LANCL3: variants seen among roughly 807,000 people sequenced by gnomAD.
LANCL3 encodes lanC-like protein 3.
LANCL3 carries 19 observed loss-of-function variants against 26.5 expected under a neutral mutation model. That is an observed-to-expected ratio of 0.72 (90% CI 0.50 to 1.05). The LOEUF is 1.05. Ranked by LOEUF, LANCL3 falls within the 50% of genes least tolerant of loss-of-function variation. The pLI is 0.00. For synonymous variants in LANCL3, 160 were observed against 166.6 expected (o/e 0.96, Z 0.30); for missense variants, 318 against 362.7 (o/e 0.88, Z 1.00).
chrX:37,606,053 A>G (rs1275318564), intron 1 of LANCL3, among the ~76,000 whole-genome samples: 1 of 111,969 alleles, frequency 8.9e-6, no homozygotes, highest in Non-Finnish European at 1.9e-5. Context: ...GGAAGAACAC[A>G]AAGCAATATC....
intron 1 of LANCL3, among the ~76,000 whole-genome samples, chrX:37,591,166 C>T (rs1556418883): frequency 9.3e-6 from 1 of 107,287 alleles, no homozygotes; most frequent in South Asian, 3.7e-4. Context: ...TATCATCACA[C>T]AGCTAGTAAA....
chrX:37,574,247 C>T (rs1923685720), intron 1 of LANCL3, among the ~76,000 whole-genome samples: 1 of 110,651 alleles, frequency 9.0e-6, no homozygotes, highest in South Asian at 3.9e-4. Context: ...AAGTTTTATA[C>T]CCCATCCCCT....
intron 1 of LANCL3, among the ~76,000 whole-genome samples, chrX:37,595,917 T>C (rs1242425790): frequency 8.9e-6 from 1 of 111,980 alleles, no homozygotes; most frequent in African/African-American, 3.2e-5. Context: ...TGGAGAGTAA[T>C]ATAGAAAATT....
intron 2 of LANCL3, among the ~76,000 whole-genome samples, chrX:37,659,216 T>C (rs782570318): frequency 5.3e-5 from 6 of 112,796 alleles, no homozygotes; most frequent in African/African-American, 1.9e-4. Context: ...ATAGAAAATA[T>C]GCAAATGAAT....
rs1418388221 is a variant in LANCL3, at chrX:37,680,538, CCTG to C, written c.*4728_*4730del. The C allele has an allele frequency of 1.8e-5, 2 of 111,794 alleles. No homozygotes were observed. Among genetic ancestry groups the C allele is most frequent in the Non-Finnish European group, 3.8e-5 (2 of 53,136 alleles). 9.2% of individuals were successfully genotyped at this position (111,794 alleles called of 1,213,427 possible). On this transcript the variant is annotated 3_prime_UTR_variant, in exon 5 of 5. Coordinates refer to ENST00000378619, the MANE Select transcript of LANCL3 (RefSeq NM_001170331.2). Reference sequence around the variant, plus strand: ...CAGAATCTTCTTTTGCCTTTGTGCACCTGCTAATTACCCCCTCTGAACTGAATT... The same window carrying C: ...CAGAATCTTCTTTTGCCTTTGTGCACCTAATTACCCCCTCTGAACTGAATT...
At chrX:37,587,586 C>T (rs1420867749) in intron 1 of LANCL3, among the ~76,000 whole-genome samples, 2 of 112,912 alleles carry the variant, frequency 1.8e-5, no homozygotes, top group East Asian at 2.8e-4. Context: ...GGCGTGGGGC[C>T]CTCCAAGCCA....
chrX:37,603,480 A>T (rs1483420340), intron 1 of LANCL3, among the ~76,000 whole-genome samples: 2 of 112,176 alleles, frequency 1.8e-5, no homozygotes, highest in Non-Finnish European at 3.8e-5. Flanking sequence ...TTGAGAGCAG[A>T]CCCGAAACCT....
chrX:37,594,915 T>G (rs1285654544), intron 1 of LANCL3, among the ~76,000 whole-genome samples: 3 of 111,882 alleles, frequency 2.7e-5, no homozygotes, highest in African/African-American at 9.7e-5. Context: ...GACAAGCATG[T>G]ATGGTTAAGT....
rs782111226 is a variant in LANCL3, at chrX:37,676,911, G to C, written c.*1098G>C. On this transcript the variant is annotated 3_prime_UTR_variant, in exon 5 of 5. Transcript: ENST00000378619. ...GCTGTAATACTCATTGAGCCAAGTT[G>C]TCATATCAAATTCAACCCTGCTGTA... 8.9e-6 allele frequency: 1 copy of C among 112,029 alleles called. No individual in the cohort carries two copies. Among genetic ancestry groups the C allele is most frequent in the East Asian group, 2.8e-4 (1 of 3,585 alleles). 9.2% of individuals were successfully genotyped at this position (112,029 alleles called of 1,213,427 possible).
intron 1 of LANCL3, among the ~76,000 whole-genome samples, chrX:37,623,917 G>A (rs1556422674): frequency 8.9e-6 from 1 of 111,885 alleles, no homozygotes; most frequent in Non-Finnish European, 1.9e-5. Context: ...TATATGTTGT[G>A]TAGCTTTCTA....
chrX:37,671,762 T>C (rs5963221), intron 4 of LANCL3, among the ~76,000 whole-genome samples: 1 of 111,854 alleles, frequency 8.9e-6, no homozygotes, highest in Non-Finnish European at 1.9e-5. Context: ...CAAGTCAACT[T>C]ATCTAATATT....
At chrX:37,609,887 T>C (rs1423480577) in intron 1 of LANCL3, among the ~76,000 whole-genome samples, 14 of 111,682 alleles carry the variant, frequency 1.3e-4, no homozygotes, top group Non-Finnish European at 2.4e-4. Flanking sequence ...GTGGAAAATA[T>C]ACTGTGACTT....
intron 3 of LANCL3, 89 bp downstream of exon 3, chrX:37,659,748 TC>T (rs1926374124): frequency 2.6e-6 from 2 of 770,993 alleles, no homozygotes; most frequent in Admixed American, 2.6e-5. Flanking sequence ...GGATAGCTAA[TC>T]TTATGTCATT....
chrX:37,634,682 A>G (rs1409245637), intron 1 of LANCL3, among the ~76,000 whole-genome samples: 3 of 112,394 alleles, frequency 2.7e-5, no homozygotes, highest in African/African-American at 9.7e-5. Context: ...AAATTTAAAT[A>G]TAGACTAGAT....
At chrX:37,628,908 A>G (rs1925395696) in intron 1 of LANCL3, among the ~76,000 whole-genome samples, 1 of 110,617 alleles carries the variant, frequency 9.0e-6, no homozygotes, top group Non-Finnish European at 1.9e-5. Context: ...CAATAAACAT[A>G]CGTGTGCATG....
chrX:37,605,231 A>G lies in LANCL3; in HGVS notation c.573+32788A>G, dbSNP rs190840641. On this transcript the variant is annotated intron_variant, in intron 1 of 4. Transcript: ENST00000378619. ...GGCCACAGTGGATGTGGTATTATTC[A>G]GTTATGTGCTTTTGCTATTTGTTGT... 5.4e-5 allele frequency among the ~76,000 whole-genome samples: 6 copies of G among 112,097 alleles called. No individual in the cohort carries two copies. In the Admixed American group the frequency reaches 5.7e-4, roughly 11 times the overall value.
Position 37,601,222 on chromosome X carries a change from G to T in LANCL3, c.573+28779G>T, listed in dbSNP as rs183887073. On this transcript the variant is annotated intron_variant, in intron 1 of 4. Transcript: ENST00000378619. ...TGCCACTTAATGATGTCCTCAGAAA[G>T]CCACAGCTTTCCCTTGTAAATTTCA... Among the ~76,000 whole-genome samples, 130 of 111,686 alleles carry T rather than the reference G, an allele frequency of 1.2e-3. 2 individuals carry two copies. Among genetic ancestry groups the T allele is most frequent in the African/African-American group, 4.0e-3 (122 of 30,795 alleles).
chrX:37,655,692 T>C lies in LANCL3; in HGVS notation c.578T>C (p.Leu193Pro). The C allele has an allele frequency of 8.4e-7, 1 of 1,196,328 alleles. No individual in the cohort carries two copies. Among genetic ancestry groups the C allele is most frequent in the Non-Finnish European group, 1.1e-6 (1 of 889,026 alleles). The change falls in exon 2 of 5, where the codon CTG becomes CCG. Residue 193 changes from leucine to proline, a missense_variant. Leu to Pro is a moderately conservative substitution (Grantham distance 98). Coordinates refer to ENST00000378619, the MANE Select transcript of LANCL3 (RefSeq NM_001170331.2). ...CTTCTGGATTTCCTTATTCAGGTGC[T>C]GACTCCAGCACAGATCAAGTCAATT... Reference protein sequence around the residue: ...VLKQKLAQEVLTPAQIKSICQ... With the variant: ...VLKQKLAQEVPTPAQIKSICQ...
chrX:37,655,925 G>A, intron 2 of LANCL3, 114 bp downstream of exon 2: 1 of 615,626 alleles, frequency 1.6e-6, no homozygotes, highest in South Asian at 3.7e-5. Context: ...CATTTAATAA[G>A]AAATACTTTA....
Sources: gnomAD v4.1 joint callset for allele counts (sites outside exome capture counted in the v4.1 genomes callset) on GRCh38, gnomAD v4.1.1 for gene constraint, MANE v1.5 for transcripts, NCBI Gene and HGNC (gene_info 2026-07-23, HGNC 2026-07-21) for gene names.